Variants in PLEKHD1 observed in about 807,000 individuals in gnomAD.
The protein encoded by PLEKHD1 is pleckstrin homology and coiled-coil domain containing D1.
Under a neutral mutation model 69.2 loss-of-function variants are expected in PLEKHD1, and 51 were observed. That is an observed-to-expected ratio of 0.74 (90% CI 0.59 to 0.93). PLEKHD1 has a LOEUF of 0.93. Ranked by LOEUF, PLEKHD1 falls within the 40% of genes least tolerant of loss-of-function variation. The pLI is 0.00. For synonymous variants in PLEKHD1, 236 were observed against 244.7 expected, an observed-to-expected ratio of 0.96 and a Z score of 0.33; for missense variants, 584 against 641.0, an observed-to-expected ratio of 0.91 and a Z score of 0.96.
At chr14:69,471,042 C>T in the PLEKHD1 span, among the ~76,000 whole-genome samples, 9 of 146,386 alleles carry the variant, frequency 6.1e-5, no homozygotes, top group Admixed American at 2.1e-4. Flanking sequence ...CTGCCTGCCT[C>T]GGCCTCCCAA....
At chr14:69,486,960 AC>A (rs1882667422) in intron 1 of PLEKHD1, among the ~76,000 whole-genome samples, 1 of 152,134 alleles carries the variant, frequency 6.6e-6, no homozygotes, top group Non-Finnish European at 1.5e-5. Flanking sequence ...CCCCAAAGCC[AC>A]CCGAAACGAT....
intron 1 of PLEKHD1, among the ~76,000 whole-genome samples, chr14:69,491,879 C>G (rs1882783912): frequency 6.6e-6 from 1 of 152,214 alleles, no homozygotes; most frequent in African/African-American, 2.4e-5. Flanking sequence ...ATCGTGTCAT[C>G]CCAGTTCCTG....
chr14:69,471,724 C>G, the PLEKHD1 span, among the ~76,000 whole-genome samples: 1 of 152,134 alleles, frequency 6.6e-6, no homozygotes, highest in Non-Finnish European at 1.5e-5. Flanking sequence ...CCCACACTTT[C>G]CCATGCCAAA....
intron 1 of PLEKHD1, among the ~76,000 whole-genome samples, chr14:69,496,345 T>C (rs1023285748): frequency 1.3e-5 from 2 of 152,214 alleles, no homozygotes; most frequent in African/African-American, 4.8e-5. Context: ...CAAAATGCCA[T>C]AGACTGGGTG....
intron 6 of PLEKHD1, among the ~76,000 whole-genome samples, chr14:69,506,354 C>T (rs1479594399): frequency 6.6e-6 from 1 of 152,162 alleles, no homozygotes; most frequent in Non-Finnish European, 1.5e-5. Flanking sequence ...TAGCAGACAA[C>T]TCAGTCTATA....
chr14:69,520,951 G>A (rs1883500190), intron 6 of PLEKHD1, among the ~76,000 whole-genome samples: 1 of 152,128 alleles, frequency 6.6e-6, no homozygotes, highest in Admixed American at 6.5e-5. Flanking sequence ...TGGCCATGTG[G>A]TGTGCCCAGG....
At chr14:69,493,936 G>A (rs1566936398) in intron 1 of PLEKHD1, among the ~76,000 whole-genome samples, 1 of 152,182 alleles carries the variant, frequency 6.6e-6, no homozygotes, top group Admixed American at 6.5e-5. Flanking sequence ...GCTTCACACG[G>A]GGGGCAGGGG....
At position 69,529,847 on chromosome 14, in the gene PLEKHD1, C is replaced by T. The variant is rs533066080; in HGVS notation, c.*1428C>T. ...GTGAAGCTGAAACGCCAATCTGCAG[C>T]TTCTGTGGAAGACCACCACCCTCCA... On this transcript the variant is annotated 3_prime_UTR_variant, in exon 13 of 13. Transcript: ENST00000322564. The T allele has an allele frequency of 6.6e-6, 1 of 152,376 alleles. No individual in the cohort carries two copies. The highest frequency in any genetic ancestry group is 6.5e-5 in the Admixed American group (1 of 15,304). The allele number at this position is 152,376 out of a possible 1,614,324, so 9.4% of individuals were successfully genotyped here.
At chr14:69,493,304 G>C (rs965005438) in intron 1 of PLEKHD1, among the ~76,000 whole-genome samples, 9 of 152,212 alleles carry the variant, frequency 5.9e-5, no homozygotes, top group African/African-American at 1.7e-4. Context: ...TAATGAGGAG[G>C]ACCAGGCATC....
At chr14:69,476,349 G>A in the PLEKHD1 span, among the ~76,000 whole-genome samples, 1 of 150,264 alleles carries the variant, frequency 6.7e-6, no homozygotes, top group African/African-American at 2.5e-5. Flanking sequence ...GAGCCCAGTA[G>A]TTCAACGCTA....
chr14:69,482,234 C>G (rs1030382286), upstream of PLEKHD1, among the ~76,000 whole-genome samples: 3 of 152,180 alleles, frequency 2.0e-5, no homozygotes, highest in Non-Finnish European at 4.4e-5. Context: ...ATCAGCCTTC[C>G]CCAGGATTAT....
intron 1 of PLEKHD1, among the ~76,000 whole-genome samples, chr14:69,489,641 C>G (rs1288610022): frequency 6.6e-6 from 1 of 151,432 alleles, no homozygotes; most frequent in Non-Finnish European, 1.5e-5. Flanking sequence ...CCAGCCCCAG[C>G]TCTGCCAGTA....
At chr14:69,527,709 C>T (rs1034678226) in intron 11 of PLEKHD1, 74 bp from the exon 12 acceptor site, 18 of 1,505,928 alleles carry the variant, frequency 1.2e-5, no homozygotes, top group Non-Finnish European at 1.6e-5. Flanking sequence ...TCACCAGGAT[C>T]CTTGGGAAGG....
chr14:69,497,884 T>C (rs1016968203), intron 1 of PLEKHD1, among the ~76,000 whole-genome samples: 3 of 151,560 alleles, frequency 2.0e-5, no homozygotes, highest in African/African-American at 7.3e-5. Flanking sequence ...TCAGAGAGGG[T>C]AGGTTCAGGT....
At chr14:69,478,867 A>G in the PLEKHD1 span, among the ~76,000 whole-genome samples, 1 of 152,186 alleles carries the variant, frequency 6.6e-6, no homozygotes, top group Non-Finnish European at 1.5e-5. Flanking sequence ...ACCCAGTTCC[A>G]AAGTCACTTC....
chr14:69,474,821 G>C, the PLEKHD1 span, among the ~76,000 whole-genome samples: 1 of 152,148 alleles, frequency 6.6e-6, no homozygotes, highest in African/African-American at 2.4e-5. Flanking sequence ...TTCCAAGAAA[G>C]TATGATGCAG....
At chr14:69,521,098 C>T (rs1327310116) in intron 6 of PLEKHD1, among the ~76,000 whole-genome samples, 5 of 152,152 alleles carry the variant, frequency 3.3e-5, no homozygotes, top group South Asian at 2.1e-4. Flanking sequence ...TGCCACTGCA[C>T]GAGTGCCACT....
At chr14:69,515,488 G>A (rs1467487676) in intron 6 of PLEKHD1, among the ~76,000 whole-genome samples, 1 of 152,140 alleles carries the variant, frequency 6.6e-6, no homozygotes. Flanking sequence ...CTGTGTCTTA[G>A]GCCATTCTTG....
chr14:69,519,982 TAGAACCCCCG>T (rs1883473902), intron 6 of PLEKHD1, among the ~76,000 whole-genome samples: 1 of 151,618 alleles, frequency 6.6e-6, no homozygotes, highest in Non-Finnish European at 1.5e-5. Flanking sequence ...GCCAACATGG[TAGAACCCCCG>T]CTGAACTCTA....
Sources: gnomAD v4.1 joint callset for allele counts (sites outside exome capture counted in the v4.1 genomes callset) on GRCh38, gnomAD v4.1.1 for gene constraint, MANE v1.5 for transcripts, NCBI Gene and HGNC (gene_info 2026-07-23, HGNC 2026-07-21) for gene names.